FRMPD3: variants seen among roughly 807,000 people sequenced by gnomAD.
FRMPD3 encodes FERM and PDZ domain-containing protein 3.
FRMPD3 carries 42 observed loss-of-function variants against 97.9 expected under a neutral mutation model. The ratio of observed to expected loss-of-function variants is 0.43; its 90% CI spans 0.34 to 0.55. The LOEUF is 0.55. Ranked by LOEUF, FRMPD3 falls within the 20% of genes least tolerant of loss-of-function variation. The pLI, the probability that FRMPD3 is intolerant of heterozygous loss-of-function variation, is 0.03. For missense variants in FRMPD3, 1,303 were observed against 1,457.7 expected, an observed-to-expected ratio of 0.89 and a Z score of 1.73; for synonymous variants, 577 against 581.1, an observed-to-expected ratio of 0.99 and a Z score of 0.10.
intron 13 of FRMPD3, 142 bp downstream of exon 13, chrX:107,576,601 A>G: frequency 1.6e-6 from 1 of 621,448 alleles, no homozygotes; most frequent in Non-Finnish European, 2.4e-6. Flanking sequence ...GTACCACTAT[A>G]TCCTAGCTGG....
chrX:107,463,262 C>A (rs752328146), intron 1 of FRMPD3, among the ~76,000 whole-genome samples: 4 of 112,458 alleles, frequency 3.6e-5, no homozygotes, highest in African/African-American at 3.2e-5. Context: ...TTTGAATACA[C>A]ATTTTTAACA....
At chrX:107,537,726 C>A (rs1408703397) in intron 4 of FRMPD3, among the ~76,000 whole-genome samples, 1 of 111,497 alleles carries the variant, frequency 9.0e-6, no homozygotes, top group Non-Finnish European at 1.9e-5. Context: ...CTGGTATGGC[C>A]ATCCCAGTGC....
In FRMPD3 at chrX:107,552,878, A is replaced by G. The variant is rs779460254; in HGVS notation, c.594A>G (p.Glu198=). ...FALVLEYAGP[E]QNHKFLLLQD... ...TTGTCCTTGAGTATGCCGGGCCAGA[A>G]CAGAATCACAAGTTTCTGCTTCTTC... Residue 198 remains glutamate (E), a synonymous_variant, in exon 7 of 15, where the codon GAA becomes GAG. Coordinates refer to ENST00000683843, the MANE Select transcript of FRMPD3 (RefSeq NM_001388459.1). 8.3e-7 allele frequency: 1 copy of G among 1,209,796 alleles called. No individual in the cohort carries two copies. Among genetic ancestry groups the G allele is most frequent in the East Asian group, 3.0e-5 (1 of 33,803 alleles).
At chrX:107,469,586 C>T (rs1190121091) in intron 1 of FRMPD3, among the ~76,000 whole-genome samples, 3 of 112,280 alleles carry the variant, frequency 2.7e-5, no homozygotes, top group East Asian at 5.6e-4. Context: ...CAGAATCCTT[C>T]CTTTTGCCCA....
At chrX:107,515,368 G>A (rs1405316338) in intron 1 of FRMPD3, among the ~76,000 whole-genome samples, 1 of 111,522 alleles carries the variant, frequency 9.0e-6, no homozygotes, top group Admixed American at 9.5e-5. Context: ...GAATGTTTCG[G>A]CAAGGATGAA....
chrX:107,586,992 C>T (rs1923679883), intron 13 of FRMPD3, among the ~76,000 whole-genome samples: 2 of 111,642 alleles, frequency 1.8e-5, no homozygotes, highest in South Asian at 3.7e-4. Context: ...GAGTTCAAGT[C>T]CTGAATATCC....
intron 1 of FRMPD3, among the ~76,000 whole-genome samples, chrX:107,472,264 C>T (rs748882415): frequency 1.2e-4 from 13 of 111,686 alleles, no homozygotes; most frequent in African/African-American, 4.2e-4. Flanking sequence ...CTCTGATGAT[C>T]GTTTCTTTTG....
intron 1 of FRMPD3, among the ~76,000 whole-genome samples, chrX:107,459,096 G>A (rs932657339): frequency 4.5e-5 from 5 of 112,201 alleles, no homozygotes; most frequent in African/African-American, 1.6e-4. Flanking sequence ...AAGTAGATGC[G>A]CACAGGGGCC....
At chrX:107,455,685 A>T (rs996334186) in intron 1 of FRMPD3, among the ~76,000 whole-genome samples, 4 of 111,946 alleles carry the variant, frequency 3.6e-5, no homozygotes, top group African/African-American at 1.3e-4. Flanking sequence ...GTTGAATTGG[A>T]CCAAATACTT....
chrX:107,522,182 G>C (rs182537149), intron 1 of FRMPD3, among the ~76,000 whole-genome samples: 168 of 111,267 alleles, frequency 1.5e-3, no homozygotes, highest in African/African-American at 5.0e-3. Flanking sequence ...GTAGGGCTTC[G>C]GCTGTGTGAA....
At chrX:107,459,372 G>A (rs780953881) in intron 1 of FRMPD3, among the ~76,000 whole-genome samples, 2 of 112,554 alleles carry the variant, frequency 1.8e-5, no homozygotes, top group South Asian at 7.4e-4. Context: ...TCACACCTGT[G>A]CCAGAGTATG....
At chrX:107,526,249 A>T (rs1331540903) in intron 1 of FRMPD3, among the ~76,000 whole-genome samples, 1 of 111,405 alleles carries the variant, frequency 9.0e-6, no homozygotes, top group Non-Finnish European at 1.9e-5. Context: ...TCAGTGGAGG[A>T]TGACAGTTAA....
At position 107,603,544 on chromosome X, in the gene FRMPD3, C is replaced by T. The variant is rs1924665568; in HGVS notation, c.*171C>T. 2 of 1,008,380 alleles carry T rather than the reference C, an allele frequency of 2.0e-6. No individual in the cohort carries two copies. The highest frequency in any genetic ancestry group is 6.9e-5 in the East Asian group (2 of 29,186). The allele number at this position is 1,008,380 out of a possible 1,213,427, so 83.1% of individuals were successfully genotyped here. ...CTTGATTGAGGCTCTCTCTTAAGGG[C>T]TGCAGGCTTAGCTGCCGCCCTGGGT... On this transcript the variant is annotated 3_prime_UTR_variant, in exon 15 of 15. Coordinates refer to ENST00000683843, the MANE Select transcript of FRMPD3 (RefSeq NM_001388459.1).
chrX:107,516,325 G>A (rs1489771211), intron 1 of FRMPD3, among the ~76,000 whole-genome samples: 14 of 110,351 alleles, frequency 1.3e-4, no homozygotes, highest in South Asian at 7.9e-4. Flanking sequence ...GAATAGTGCC[G>A]CAATAAACAT....
At chrX:107,498,027 T>G (rs1216322022) in intron 1 of FRMPD3, among the ~76,000 whole-genome samples, 2 of 112,019 alleles carry the variant, frequency 1.8e-5, no homozygotes, top group Non-Finnish European at 3.8e-5. Context: ...GGGTCCTTGG[T>G]CACATTCTCA....
At chrX:107,462,736 A>T (rs894742191) in intron 1 of FRMPD3, among the ~76,000 whole-genome samples, 2 of 111,913 alleles carry the variant, frequency 1.8e-5, no homozygotes, top group Non-Finnish European at 3.8e-5. Context: ...TTTGGCATTA[A>T]CTGGCAAGAA....
At chrX:107,482,707 G>A (rs1294969669) in intron 1 of FRMPD3, among the ~76,000 whole-genome samples, 1 of 112,070 alleles carries the variant, frequency 8.9e-6, no homozygotes, top group Non-Finnish European at 1.9e-5. Context: ...TCATTTTAGA[G>A]CAGACTATGA....
chrX:107,568,678 G>A (rs1440943668), intron 12 of FRMPD3, among the ~76,000 whole-genome samples: 1 of 108,829 alleles, frequency 9.2e-6, no homozygotes, highest in Non-Finnish European at 1.9e-5. Context: ...AGGTTGCAGT[G>A]AGCCGAGATC....
chrX:107,521,599 G>A (rs749712538), intron 1 of FRMPD3, among the ~76,000 whole-genome samples: 3 of 112,696 alleles, frequency 2.7e-5, no homozygotes, highest in East Asian at 2.8e-4. Context: ...ACTTCACAGC[G>A]CTGGGGATGG....
Sources: gnomAD v4.1 joint callset for allele counts (sites outside exome capture counted in the v4.1 genomes callset) on GRCh38, gnomAD v4.1.1 for gene constraint, MANE v1.5 for transcripts, NCBI Gene and HGNC (gene_info 2026-07-23, HGNC 2026-07-21) for gene names.